The following DUSP14 variants were observed in gnomAD, a reference collection of about 807,000 sequenced individuals.
The protein encoded by DUSP14 is dual specificity protein phosphatase 14.
DUSP14 carries 5 observed loss-of-function variants against 13.2 expected under a neutral mutation model. That is an observed-to-expected ratio of 0.38 (90% CI 0.20 to 0.80). The LOEUF (loss-of-function observed/expected upper bound fraction) is 0.80, where lower values mean the gene tolerates loss of function less well. Among genes scored for constraint, DUSP14 ranks in the 30% least tolerant of loss-of-function variants. DUSP14 has a pLI of 0.44. For missense variants in DUSP14, 185 were observed against 264.0 expected (o/e 0.70, Z 2.07); for synonymous variants, 91 against 103.4 (o/e 0.88, Z 0.73).
intron 1 of DUSP14, among the ~76,000 whole-genome samples, chr17:37,504,825 C>A (rs1244835612): frequency 3.9e-5 from 6 of 152,156 alleles, no homozygotes. Flanking sequence ...AAGGAGTCCT[C>A]CTGCCGCAGC....
At chr17:37,488,963 A>G (rs1486885317), upstream of DUSP14, among the ~76,000 whole-genome samples, 1 of 152,154 alleles carries the variant, frequency 6.6e-6, no homozygotes, top group Admixed American at 6.5e-5. Context: ...CTGGTGAGTC[A>G]AGGACTGGGC....
chr17:37,504,739 G>A (rs1029050272), intron 1 of DUSP14, among the ~76,000 whole-genome samples: 1 of 151,950 alleles, frequency 6.6e-6, no homozygotes, highest in East Asian at 1.9e-4. Context: ...AACCATGCCC[G>A]GCTAATTTTT....
In DUSP14 at chr17:37,512,269, C is replaced by T. The variant is rs1227820535; in HGVS notation, c.-4C>T. On this transcript the variant is annotated 5_prime_UTR_variant, in exon 3 of 3. Transcript: ENST00000617516. The surrounding 1 kb of genome is among the most constrained non-coding windows in gnomAD (Gnocchi z 4.8). ...ACGATGCAAGTGTGACTGCTGGCGT[C>T]TTCATGAGCTCCAGAGGTCACAGCA... 2.5e-6 allele frequency: 4 copies of T among 1,589,768 alleles called. No individual in the cohort carries two copies. The highest frequency in any genetic ancestry group is 2.6e-6 in the Non-Finnish European group (3 of 1,164,672).
chr17:37,506,814 G>A (rs1214531618), intron 1 of DUSP14, among the ~76,000 whole-genome samples: 2 of 152,184 alleles, frequency 1.3e-5, no homozygotes, highest in African/African-American at 4.8e-5. Context: ...GCACCAAATG[G>A]TGTACCAGGA....
intron 1 of DUSP14, among the ~76,000 whole-genome samples, chr17:37,495,779 C>A (rs1210775539): frequency 6.6e-6 from 1 of 151,976 alleles, no homozygotes; most frequent in African/African-American, 2.4e-5. Context: ...CCTGCCTCAG[C>A]CTCCCGAGTA....
upstream of DUSP14, among the ~76,000 whole-genome samples, chr17:37,489,257 C>G (rs2054008421): frequency 6.6e-6 from 1 of 152,102 alleles, no homozygotes; most frequent in Non-Finnish European, 1.5e-5. Context: ...GGCTCCGAGA[C>G]TCGGACGGCA....
intron 1 of DUSP14, among the ~76,000 whole-genome samples, chr17:37,509,292 TATATA>T (rs1289062147): frequency 1.0e-3 from 26 of 24,928 alleles, no homozygotes; most frequent in African/African-American, 2.0e-3. Flanking sequence ...TATATATATA[TATATA>T]GTGTGTGTGT....
chr17:37,512,644 G>T lies in DUSP14; in HGVS notation c.372G>T (p.Ala124=). 1 of 1,613,604 alleles carries T rather than the reference G, an allele frequency of 6.2e-7. No individual in the cohort carries two copies. The highest frequency in any genetic ancestry group is 8.5e-7 in the Non-Finnish European group (1 of 1,179,628). The stretch of plus-strand genomic sequence containing the variant: ...GCCGCTCAGCCACGCTGTGTATCGC[G>T]TACCTGATGAAATTCCACAACGTGT... ...GVSRSATLCI[A]YLMKFHNVCL... Residue 124 remains alanine, a synonymous_variant, in exon 3 of 3, where the codon GCG becomes GCT. Coordinates refer to ENST00000617516, the MANE Select transcript of DUSP14 (RefSeq NM_007026.4). This position sits in a 1 kb window ranked among gnomAD's most constrained non-coding sequence, Gnocchi z 4.8.
chr17:37,495,809 G>T (rs1474560288), intron 1 of DUSP14, among the ~76,000 whole-genome samples: 1 of 151,994 alleles, frequency 6.6e-6, no homozygotes, highest in African/African-American at 2.4e-5. Flanking sequence ...ACAGGCGCAT[G>T]CCACCACGCC....
At chr17:37,491,398 G>A (rs949178349) in intron 1 of DUSP14, 2 of 152,270 alleles carry the variant, frequency 1.3e-5, no homozygotes, top group African/African-American at 4.8e-5. Flanking sequence ...GTTGCCACGA[G>A]GAGGTAGGAA....
intron 1 of DUSP14, among the ~76,000 whole-genome samples, chr17:37,497,445 A>G (rs1390368078): frequency 1.3e-5 from 2 of 151,990 alleles, no homozygotes; most frequent in Non-Finnish European, 2.9e-5. Flanking sequence ...CCTGCCTTCA[A>G]ACTGCTTTTT....
chr17:37,495,579 A>G (rs953196992), intron 1 of DUSP14, among the ~76,000 whole-genome samples: 1 of 152,180 alleles, frequency 6.6e-6, no homozygotes, highest in Admixed American at 6.5e-5. Context: ...ATTATGTGGC[A>G]GAGAGCGCCT....
At chr17:37,489,813 A>T (rs1163345094), upstream of DUSP14, 1 of 140,586 alleles carries the variant, frequency 7.1e-6, no homozygotes, top group Admixed American at 7.0e-5. Context: ...GAGGGCGGCC[A>T]GGCGCAGGGA....
chr17:37,507,022 A>G (rs925851006), intron 1 of DUSP14, among the ~76,000 whole-genome samples: 9 of 152,226 alleles, frequency 5.9e-5, no homozygotes, highest in African/African-American at 2.2e-4. Flanking sequence ...TAGTCACCGC[A>G]GAGAAGCAGT....
intron 1 of DUSP14, among the ~76,000 whole-genome samples, chr17:37,509,283 ATATATATATATATAGTGT>A (rs2054165913): frequency 6.8e-5 from 2 of 29,506 alleles, no homozygotes; most frequent in Non-Finnish European, 1.2e-4. Flanking sequence ...ATATATATAT[ATATATATATATATAGTGT>A]GTGTGTGTGT....
chr17:37,496,236 G>T (rs2054064190), intron 1 of DUSP14, among the ~76,000 whole-genome samples: 1 of 152,154 alleles, frequency 6.6e-6, no homozygotes. Context: ...AGTGGAGAGG[G>T]GGCTTGGACC....
chr17:37,501,152 T>G (rs1027250238), intron 1 of DUSP14, among the ~76,000 whole-genome samples: 20 of 152,222 alleles, frequency 1.3e-4, no homozygotes, highest in Non-Finnish European at 2.8e-4. Flanking sequence ...AGAATGATAC[T>G]GATCCGGGAG....
Position 37,513,244 on chromosome 17 carries a change from G to GAGAC in DUSP14, c.*377_*380dup. 1 of 216,998 alleles carries GAGAC rather than the reference G, an allele frequency of 4.6e-6. No homozygotes were observed. Among genetic ancestry groups the GAGAC allele is most frequent in the African/African-American group, 2.3e-5 (1 of 43,392 alleles). The allele number at this position is 216,998 out of a possible 1,614,324, so 13.4% of individuals were successfully genotyped here. A position where few individuals can be genotyped will look rare whatever the true frequency, so the allele number is the denominator to read the frequency against. On this transcript the variant is annotated 3_prime_UTR_variant, in exon 3 of 3. Coordinates refer to ENST00000617516, the MANE Select transcript of DUSP14 (RefSeq NM_007026.4). ...ACTTTGGGGCCTCATTAACCCTTTA[G>GAGAC]AGACAAGCTTTGCCCCAGGCTGCGG...
At chr17:37,509,573 C>T (rs915875348) in intron 1 of DUSP14, among the ~76,000 whole-genome samples, 22 of 151,704 alleles carry the variant, frequency 1.5e-4, no homozygotes, top group Non-Finnish European at 2.5e-4. Context: ...CCACCCGCCT[C>T]GGCCTCCCAA....
Sources: allele counts gnomAD v4.1 joint callset (sites outside exome capture counted in the v4.1 genomes callset), GRCh38; gene constraint gnomAD v4.1.1; non-coding constraint Gnocchi (gnomAD v3.1); transcripts MANE v1.5; gene names NCBI Gene and HGNC (gene_info 2026-07-23, HGNC 2026-07-21).